RFX8: variants seen among roughly 807,000 people sequenced by gnomAD.
RFX8 encodes the protein DNA-binding protein RFX8.
A neutral mutation model predicts 54.6 loss-of-function variants in RFX8; 46 were observed. That is an observed-to-expected ratio of 0.84 (90% CI 0.67 to 1.08). The LOEUF (loss-of-function observed/expected upper bound fraction) is 1.08, where lower values mean the gene tolerates loss of function less well. Among genes scored for constraint, RFX8 ranks in the 50% least tolerant of loss-of-function variants. The probability of loss-of-function intolerance (pLI) is 0.00; values close to 1 mark genes in which losing one functional copy is unlikely to be tolerated. For synonymous variants in RFX8, 192 were observed against 209.5 expected, an observed-to-expected ratio of 0.92 and a Z score of 0.72; for missense variants, 536 against 562.3, an observed-to-expected ratio of 0.95 and a Z score of 0.47.
intron 2 of RFX8, among the ~76,000 whole-genome samples, chr2:101,459,449 T>C (rs1289909638): frequency 6.6e-6 from 1 of 152,188 alleles, no homozygotes; most frequent in Admixed American, 6.5e-5. Flanking sequence ...TGTTTGTTAG[T>C]TTTCCTTCTA....
At chr2:101,421,094 G>T (rs893794138) in intron 4 of RFX8, 1 of 213,688 alleles carries the variant, frequency 4.7e-6, no homozygotes, top group African/African-American at 2.3e-5. Context: ...AATGCTTTAC[G>T]CCGAGTAGGT....
chr2:101,406,709 T>C (rs939666568), intron 9 of RFX8, among the ~76,000 whole-genome samples: 2 of 152,204 alleles, frequency 1.3e-5, no homozygotes, highest in African/African-American at 4.8e-5. Flanking sequence ...GACAGCCTCA[T>C]TGAAGTCCAC....
chr2:101,474,609 G>A, intron 1 of RFX8, 27 bp downstream of exon 1: 1 of 253,118 alleles, frequency 4.0e-6, no homozygotes, highest in Non-Finnish European at 7.5e-6. Context: ...AGTCAAACAG[G>A]GACGCGAACA....
intron 2 of RFX8, among the ~76,000 whole-genome samples, chr2:101,462,080 C>CCAG (rs1689314029): frequency 6.6e-6 from 1 of 152,130 alleles, no homozygotes. Flanking sequence ...TGGATGGGGA[C>CCAG]TTATGGTGTT....
chr2:101,454,296 T>C (rs1688851972), intron 2 of RFX8, among the ~76,000 whole-genome samples: 2 of 152,212 alleles, frequency 1.3e-5, no homozygotes, highest in South Asian at 2.1e-4. Context: ...CAGTCTATCA[T>C]TGATGGTCAT....
intron 2 of RFX8, among the ~76,000 whole-genome samples, chr2:101,460,386 C>T (rs959845323): frequency 4.6e-5 from 7 of 152,036 alleles, no homozygotes; most frequent in African/African-American, 1.7e-4. Context: ...GAAGCCAGAC[C>T]CCATTTTCAC....
At chr2:101,425,620 C>G (rs1687126530) in intron 2 of RFX8, among the ~76,000 whole-genome samples, 1 of 59,498 alleles carries the variant, frequency 1.7e-5, no homozygotes, top group Non-Finnish European at 3.3e-5. Flanking sequence ...AGAGCAAATT[C>G]ATGATTTCCT....
intron 2 of RFX8, among the ~76,000 whole-genome samples, chr2:101,454,821 T>TA (rs1319519946): frequency 2.6e-5 from 4 of 152,158 alleles, no homozygotes; most frequent in African/African-American, 4.8e-5. Context: ...GGGTAGATTG[T>TA]AAAAATTTTC....
chr2:101,399,485 TG>T (rs1685308220), intron 11 of RFX8, among the ~76,000 whole-genome samples: 1 of 152,214 alleles, frequency 6.6e-6, no homozygotes, highest in South Asian at 2.1e-4. Context: ...CAATTAAGTA[TG>T]TAATATCTTC....
intron 9 of RFX8, among the ~76,000 whole-genome samples, chr2:101,408,297 A>G (rs988397704): frequency 3.2e-4 from 49 of 152,206 alleles, no homozygotes; most frequent in Non-Finnish European, 6.2e-4. Context: ...CATCCTGGCT[A>G]ACACGGTGAA....
intron 7 of RFX8, among the ~76,000 whole-genome samples, chr2:101,414,544 G>A (rs966104271): frequency 2.0e-5 from 3 of 151,976 alleles, no homozygotes; most frequent in Non-Finnish European, 4.4e-5. Context: ...AAAGTGCCGC[G>A]ATTACAGGTA....
intron 2 of RFX8, among the ~76,000 whole-genome samples, chr2:101,431,371 T>C (rs1200143848): frequency 2.0e-5 from 3 of 152,170 alleles, no homozygotes; most frequent in African/African-American, 2.4e-5. Flanking sequence ...AAAACGTACA[T>C]CAGGGGGCCA....
chr2:101,443,017 G>C (rs1688181574), intron 2 of RFX8, among the ~76,000 whole-genome samples: 1 of 152,210 alleles, frequency 6.6e-6, no homozygotes, highest in South Asian at 2.1e-4. Flanking sequence ...GAAGGAAGGA[G>C]AGTATTTTCT....
chr2:101,446,451 G>A (rs1354592587), intron 2 of RFX8, among the ~76,000 whole-genome samples: 1 of 151,920 alleles, frequency 6.6e-6, no homozygotes, highest in East Asian at 1.9e-4. Flanking sequence ...TGGGATTACA[G>A]GCCTGAGCCA....
At chr2:101,428,223 G>A (rs1687292597) in intron 2 of RFX8, among the ~76,000 whole-genome samples, 2 of 152,170 alleles carry the variant, frequency 1.3e-5, no homozygotes, top group Middle Eastern at 6.8e-3. Flanking sequence ...AACCAGCCTG[G>A]GCAACAAAAC....
At chr2:101,463,117 T>C (rs780862250) in intron 2 of RFX8, among the ~76,000 whole-genome samples, 15 of 152,204 alleles carry the variant, frequency 9.9e-5, no homozygotes, top group Non-Finnish European at 1.6e-4. Flanking sequence ...TTGCAGCCTC[T>C]GTATGACAGG....
intron 5 of RFX8, 146 bp downstream of exon 5, chr2:101,418,705 T>C: frequency 1.6e-6 from 1 of 638,870 alleles, no homozygotes; most frequent in South Asian, 1.8e-5. Context: ...TAGGCAGAGA[T>C]CAGAGGGCTC....
chr2:101,444,586 G>A (rs1253134933), intron 2 of RFX8, among the ~76,000 whole-genome samples: 1 of 152,140 alleles, frequency 6.6e-6, no homozygotes, highest in Non-Finnish European at 1.5e-5. Flanking sequence ...TTTTCAAGCA[G>A]TCATTATAAA....
intron 2 of RFX8, among the ~76,000 whole-genome samples, chr2:101,458,050 T>C (rs867992945): frequency 2.0e-5 from 3 of 152,208 alleles, no homozygotes; most frequent in Non-Finnish European, 4.4e-5. Flanking sequence ...TTTTTTCGCT[T>C]TGCATTTGCT....
Sources: gnomAD v4.1 joint callset for allele counts (sites outside exome capture counted in the v4.1 genomes callset) on GRCh38, gnomAD v4.1.1 for gene constraint, MANE v1.5 for transcripts, NCBI Gene and HGNC (gene_info 2026-07-23, HGNC 2026-07-21) for gene names.